Variants in FAM78B observed in about 807,000 individuals in gnomAD.
FAM78B encodes the protein protein FAM78B.
FAM78B carries 10 observed loss-of-function variants against 20.0 expected under a neutral mutation model. The ratio of observed to expected loss-of-function variants is 0.50; its 90% confidence interval spans 0.31 to 0.85. The LOEUF is 0.85. FAM78B is among the 40% of genes least tolerant of loss of function. FAM78B has a pLI of 0.05. For missense variants in FAM78B, 283 were observed against 345.0 expected (o/e 0.82, Z 1.42); for synonymous variants, 135 against 132.8 (o/e 1.02, Z -0.12).
chr1:166,084,978 T>G (rs12078862), intron 1 of FAM78B, among the ~76,000 whole-genome samples: 24,762 of 152,218 alleles, frequency 0.16, 2,310 homozygotes, highest in East Asian at 0.27. Context: ...TTTCCCTTTG[T>G]GCCTGGGCAT....
chr1:166,060,658 G>C (rs1385083439), exon 3 of FAM78B: 1 of 1,288,332 alleles, frequency 7.8e-7, no homozygotes, highest in East Asian at 5.6e-5. Context: ...TGTCCTACTA[G>C]GAGACCTGTA....
intron 1 of FAM78B, among the ~76,000 whole-genome samples, chr1:166,086,503 C>T (rs1241492135): frequency 6.6e-6 from 1 of 152,078 alleles, no homozygotes; most frequent in South Asian, 2.1e-4. Flanking sequence ...GTCATGAAAG[C>T]GGGGCAGAGG....
At chr1:166,104,357 A>C (rs998094488) in intron 1 of FAM78B, among the ~76,000 whole-genome samples, 6 of 152,186 alleles carry the variant, frequency 3.9e-5, no homozygotes, top group South Asian at 2.1e-4. Context: ...TGGCCAGGGC[A>C]ATCAGGCAGG....
rs184883331 is a variant in FAM78B, at chr1:166,142,209, G to A, written c.263+23777C>T. ...TGGAAAACCATTATTGGGGAGTGGA[G>A]GGTTAGACTGCACTTAAAGGAGGTT... On this transcript the variant is annotated intron_variant, in intron 1 of 1. Coordinates refer to ENST00000354422, the MANE Select transcript of FAM78B (RefSeq NM_001017961.5). Among the ~76,000 whole-genome samples, 262 of 152,294 alleles carry A rather than the reference G, an allele frequency of 1.7e-3. 1 individual carries two copies. Among genetic ancestry groups the A allele is most frequent in the African/African-American group, 6.0e-3 (250 of 41,556 alleles).
At chr1:166,129,712 G>A (rs776186820) in intron 1 of FAM78B, among the ~76,000 whole-genome samples, 6 of 152,170 alleles carry the variant, frequency 3.9e-5, no homozygotes, top group Non-Finnish European at 7.4e-5. Flanking sequence ...CACCTTCACA[G>A]ACCCTGCTGC....
At chr1:166,148,810 G>A (rs1165251591) in intron 1 of FAM78B, among the ~76,000 whole-genome samples, 2 of 152,244 alleles carry the variant, frequency 1.3e-5, no homozygotes, top group African/African-American at 4.8e-5. Context: ...TCCCACCACA[G>A]AGTGGGTTCC....
intron 1 of FAM78B, among the ~76,000 whole-genome samples, chr1:166,129,924 G>A (rs553618190): frequency 2.0e-5 from 3 of 152,168 alleles, no homozygotes; most frequent in Admixed American, 2.0e-4. Context: ...CCAAGCCTCC[G>A]TAGACTGATC....
At chr1:166,076,354 C>T (rs1447299059) in intron 1 of FAM78B, among the ~76,000 whole-genome samples, 5 of 152,106 alleles carry the variant, frequency 3.3e-5, no homozygotes, top group African/African-American at 1.2e-4. Flanking sequence ...AAATAAACTC[C>T]CACCTGAGGG....
chr1:166,083,700 C>T (rs1287090142), intron 1 of FAM78B, among the ~76,000 whole-genome samples: 1 of 151,342 alleles, frequency 6.6e-6, no homozygotes, highest in Non-Finnish European at 1.5e-5. Flanking sequence ...AGACGGGTTT[C>T]ACTATGTTGA....
chr1:166,131,540 C>T (rs1571191131), intron 1 of FAM78B, among the ~76,000 whole-genome samples: 1 of 152,096 alleles, frequency 6.6e-6, no homozygotes, highest in Non-Finnish European at 1.5e-5. Context: ...GCAACAGCAA[C>T]GTTAGTTTTC....
chr1:166,161,920 G>T (rs1228852415), intron 1 of FAM78B, among the ~76,000 whole-genome samples: 1 of 152,228 alleles, frequency 6.6e-6, no homozygotes, highest in East Asian at 1.9e-4. Flanking sequence ...GACTGGAGGT[G>T]ACTGTGTATC....
At chr1:166,117,739 T>C (rs1044174847) in intron 1 of FAM78B, among the ~76,000 whole-genome samples, 1 of 152,212 alleles carries the variant, frequency 6.6e-6, no homozygotes, top group Admixed American at 6.5e-5. Flanking sequence ...GGTTATGGTA[T>C]ATTCTAAACC....
intron 1 of FAM78B, among the ~76,000 whole-genome samples, chr1:166,155,450 C>T (rs1214930029): frequency 3.3e-5 from 5 of 152,198 alleles, no homozygotes; most frequent in Non-Finnish European, 5.9e-5. Flanking sequence ...GCATCTGGCA[C>T]ACACTAGTTG....
intron 1 of FAM78B, among the ~76,000 whole-genome samples, chr1:166,101,854 G>A (rs1653534152): frequency 6.6e-6 from 1 of 152,046 alleles, no homozygotes; most frequent in East Asian, 1.9e-4. Context: ...AGGAAATACA[G>A]AGAACACCAC....
chr1:166,101,292 C>T (rs1387886918), intron 1 of FAM78B, among the ~76,000 whole-genome samples: 7 of 152,146 alleles, frequency 4.6e-5, no homozygotes, highest in Non-Finnish European at 7.3e-5. Flanking sequence ...CGCCTCTTCT[C>T]GAAAGGAATG....
chr1:166,076,544 T>C (rs12028262), intron 1 of FAM78B, among the ~76,000 whole-genome samples: 23,110 of 152,162 alleles, frequency 0.15, 2,277 homozygotes, highest in East Asian at 0.43. Context: ...ATCTCTGCTT[T>C]ATTTTTTCTC....
chr1:166,059,891 T>C (rs2101940317), exon 3 of FAM78B: 1 of 152,378 alleles, frequency 6.6e-6, no homozygotes, highest in South Asian at 2.1e-4. Flanking sequence ...ATTCTGGGGC[T>C]GATGCTTAAA....
At chr1:166,117,939 A>T (rs1320840999) in intron 1 of FAM78B, among the ~76,000 whole-genome samples, 1 of 152,080 alleles carries the variant, frequency 6.6e-6, no homozygotes, top group Non-Finnish European at 1.5e-5. Context: ...AGCAAACCCG[A>T]CATGACGCAA....
chr1:166,118,190 T>C (rs1311328238), intron 1 of FAM78B, among the ~76,000 whole-genome samples: 5 of 152,156 alleles, frequency 3.3e-5, no homozygotes, highest in Non-Finnish European at 5.9e-5. Flanking sequence ...AGACAGGAGC[T>C]TGGATGGAGT....
Sources: allele counts gnomAD v4.1 joint callset (sites outside exome capture counted in the v4.1 genomes callset), GRCh38; gene constraint gnomAD v4.1.1; transcripts MANE v1.5; gene names NCBI Gene and HGNC (gene_info 2026-07-23, HGNC 2026-07-21).